The following COL2A1 variants were observed in gnomAD, a reference collection of about 807,000 sequenced individuals.
COL2A1 encodes the protein collagen type II alpha 1 chain.
COL2A1 carries 28 observed loss-of-function variants against 204.5 expected under a neutral mutation model. That is an observed-to-expected ratio of 0.14 (90% CI 0.10 to 0.19). COL2A1 has a LOEUF of 0.19. Ranked by LOEUF, COL2A1 falls within the 10% of genes least tolerant of loss-of-function variation. COL2A1 has a pLI of 1.00. For synonymous variants in COL2A1, 708 were observed against 718.7 expected, an observed-to-expected ratio of 0.99 and a Z score of 0.24; for missense variants, 1,388 against 2,027.5, an observed-to-expected ratio of 0.68 and a Z score of 6.06.
At position 47,989,800 on chromosome 12, in the gene COL2A1, G is replaced by A. The variant is rs376545187; in HGVS notation, c.1029C>T (p.Ala343=). The A allele has an allele frequency of 3.7e-6, 6 of 1,613,164 alleles. No homozygotes were observed. In the African/African-American group the frequency reaches 8.0e-5, roughly 22 times the overall value. ...GGCCTGGCTGACCATCGTTGCCTCGGGCACCCTGTGAGCAAGAAGGAAGTG... is the reference window on the plus strand; with the variant it reads ...GGCCTGGCTGACCATCGTTGCCTCGAGCACCCTGTGAGCAAGAAGGAAGTG... ...GRTGPAGAAG[A]RGNDGQPGPA... is the part of the protein sequence containing the mutation. Residue 343 remains alanine, a synonymous_variant, in exon 17 of 54, where the codon GCC becomes GCT. Transcript: ENST00000380518.
chr12:47,981,824 C>A lies in COL2A1; in HGVS notation c.2361G>T (p.Leu787=). The A allele has an allele frequency of 6.4e-7, 1 of 1,554,330 alleles. No homozygotes were observed. The highest frequency in any genetic ancestry group is 1.2e-5 in the South Asian group (1 of 84,358). Residue 787 remains leucine, a synonymous_variant, in exon 36 of 54, where the codon CTG becomes CTT. Transcript: ENST00000380518. ...GAPGKDGGRG[L]TGPIGPPGPA... is the part of the protein sequence containing the mutation. ...GGCCAGGGGGGCCAATGGGACCTGTCAGGCCCTGCGGGGAGAGCAGGTAGA... is the reference window on the plus strand; with the variant it reads ...GGCCAGGGGGGCCAATGGGACCTGTAAGGCCCTGCGGGGAGAGCAGGTAGA...
chr12:47,981,910 T>C, intron 35 of COL2A1, 81 bp from the exon 36 acceptor site: 1 of 1,447,430 alleles, frequency 6.9e-7, no homozygotes, highest in Non-Finnish European at 9.6e-7. Flanking sequence ...CCAACCTTGG[T>C]GCGTGCTCCC....
rs1308856433 is a variant in COL2A1, at chr12:47,973,564, A to C, written c.4318-11T>G. The C allele has an allele frequency of 1.2e-6, 2 of 1,613,908 alleles. No individual in the cohort carries two copies. The highest frequency in any genetic ancestry group is 1.7e-6 in the Non-Finnish European group (2 of 1,179,990). On this transcript the variant is annotated splice_polypyrimidine_tract_variant and intron_variant, in intron 53 of 53. Transcript: ENST00000380518. ...CTTACCGGTATGTTTCTAGGGGAGA[A>C]AAAAGGAGGAGGCTCTGTTCAGTAG...
intron 16 of COL2A1, among the ~76,000 whole-genome samples, chr12:47,991,580 G>T (rs888754239): frequency 2.6e-5 from 4 of 152,158 alleles, no homozygotes; most frequent in African/African-American, 9.7e-5. Context: ...AGCAAAGAAG[G>T]GCTCAAAGGC....
chr12:47,984,634 T>G, intron 27 of COL2A1, 35 bp from the exon 28 acceptor site: 1 of 1,609,454 alleles, frequency 6.2e-7, no homozygotes. Flanking sequence ...ATGAGGCGGA[T>G]GGTTTGGGAG....
rs10875715 is a variant in COL2A1, at chr12:47,987,973, G to A, written c.1123-264C>T. Among the ~76,000 whole-genome samples, 19 of 152,026 alleles carry A rather than the reference G, an allele frequency of 1.2e-4. No homozygotes were observed. In the South Asian group the frequency reaches 1.5e-3, roughly 12 times the overall value. ...TACACAGTGAGCCTCCACATGCCAC[G>A]GCACAGCTACATACTACAGCAATGG... On this transcript the variant is annotated intron_variant, in intron 18 of 53. Coordinates refer to ENST00000380518, the MANE Select transcript of COL2A1 (RefSeq NM_001844.5). This position sits in a 1 kb window ranked among gnomAD's most constrained non-coding sequence, Gnocchi z 4.1.
At position 47,974,771 on chromosome 12, in the gene COL2A1, G is replaced by A. The variant is rs1938610461; in HGVS notation, c.3978C>T (p.Pro1326=). The A allele has an allele frequency of 6.2e-7, 1 of 1,614,204 alleles. No individual in the cohort carries two copies. Among genetic ancestry groups the A allele is most frequent in the Non-Finnish European group, 8.5e-7 (1 of 1,180,040 alleles). Residue 1326 remains proline (P), a synonymous_variant, in exon 52 of 54, where the codon CCC becomes CCT. Transcript: ENST00000380518. The part of the protein sequence containing the change: ...NMETGETCVY[P]NPANVPKKNW... ...TCTTCTTGGGAACGTTTGCTGGATT[G>A]GGGTAGACGCAAGTCTCGCCAGTCT...
chr12:47,987,026 G>C lies in COL2A1; in HGVS notation c.1365+52C>G. The C allele has an allele frequency of 6.3e-7, 1 of 1,588,090 alleles. No homozygotes were observed. Among genetic ancestry groups the C allele is most frequent in the African/African-American group, 1.3e-5 (1 of 74,532 alleles). The stretch of plus-strand genomic sequence containing the variant: ...AGAGCATGGGAAAGAGGGGTGATGG[G>C]GTTTGACTCCAGAGATGTCAGTGGA... On this transcript the variant is annotated intron_variant, in intron 21 of 53. Transcript: ENST00000380518. This position sits in a 1 kb window ranked among gnomAD's most constrained non-coding sequence, Gnocchi z 4.1.
chr12:47,976,215 G>T lies in COL2A1; in HGVS notation c.3490-145C>A. 1.3e-6 allele frequency: 1 copy of T among 744,494 alleles called. No individual in the cohort carries two copies. 46.1% of individuals were successfully genotyped at this position (744,494 alleles called of 1,614,324 possible). A position where few individuals can be genotyped will look rare whatever the true frequency, so the allele number is the denominator to read the frequency against. On this transcript the variant is annotated intron_variant, in intron 49 of 53. Transcript: ENST00000380518. The surrounding 1 kb of genome is among the most constrained non-coding windows in gnomAD (Gnocchi z 4.3). ...TGCTCAGTCATGGAACCCTAAGTTG[G>T]TCTCTATTTGGCCAAGAACCAGCAG...
Position 47,976,822 on chromosome 12 carries a change from G to T in COL2A1, c.3425C>A (p.Pro1142His), listed in dbSNP as rs1466253134. ...GGCAGTGACACTCACAGGAGGGCCG[G>T]GCAGACCCTGCAGACCAGTGAAGCC... The part of the protein sequence containing the change: ...HRGFTGLQGL[P>H]GPPGPSGDQG... Residue 1142 changes from proline (P) to histidine (H), a missense_variant, in exon 48 of 54, where the codon CCC becomes CAC. By Grantham distance (77) the Pro-to-His change is moderately conservative. Coordinates refer to ENST00000380518, the MANE Select transcript of COL2A1 (RefSeq NM_001844.5). This position sits in a 1 kb window ranked among gnomAD's most constrained non-coding sequence, Gnocchi z 4.3. The T allele has an allele frequency of 6.2e-6, 10 of 1,612,936 alleles. No homozygotes were observed. Among genetic ancestry groups the T allele is most frequent in the African/African-American group, 1.3e-5 (1 of 74,922 alleles).
At chr12:48,000,278 T>A (rs1184007299) in intron 1 of COL2A1, among the ~76,000 whole-genome samples, 153 bp from the exon 2 acceptor site, 38 of 152,184 alleles carry the variant, frequency 2.5e-4, no homozygotes. Context: ...AACTTAAAAA[T>A]TATTTTCCTA....
At chr12:47,997,790 G>A in intron 6 of COL2A1, 81 bp downstream of exon 6, 1 of 1,608,562 alleles carries the variant, frequency 6.2e-7, no homozygotes, top group Non-Finnish European at 8.5e-7. Flanking sequence ...TTTAAGAGGT[G>A]ACCAGGCCCT....
chr12:47,973,968 C>A, intron 53 of COL2A1, 121 bp downstream of exon 53: 1 of 1,438,236 alleles, frequency 7.0e-7, no homozygotes, highest in Non-Finnish European at 9.7e-7. Flanking sequence ...ACATGACCCT[C>A]AAACTCATGC....
At chr12:47,998,125 TA>T (rs1354696582) in intron 4 of COL2A1, 43 bp downstream of exon 4, 1 of 1,614,078 alleles carries the variant, frequency 6.2e-7, no homozygotes, top group Non-Finnish European at 8.5e-7. Context: ...ATGACCCATT[TA>T]GAGCAGCAGC....
chr12:47,995,142 G>A, intron 11 of COL2A1, 113 bp downstream of exon 11: 1 of 890,700 alleles, frequency 1.1e-6, no homozygotes, highest in East Asian at 2.4e-5. Context: ...GCCCAGTCTT[G>A]CTCCTCAAGA....
At chr12:48,001,199 T>A (rs1383941288) in intron 1 of COL2A1, 1 of 151,976 alleles carries the variant, frequency 6.6e-6, no homozygotes, top group Non-Finnish European at 1.5e-5. Context: ...CTCATCAAAA[T>A]CCCCAAGGCA....
chr12:47,978,513 C>T lies in COL2A1; in HGVS notation c.2895+84G>A. 1 of 1,591,398 alleles carries T rather than the reference C, an allele frequency of 6.3e-7. No individual in the cohort carries two copies. Among genetic ancestry groups the T allele is most frequent in the East Asian group, 2.3e-5 (1 of 43,890 alleles). On this transcript the variant is annotated intron_variant, in intron 42 of 53. Coordinates refer to ENST00000380518, the MANE Select transcript of COL2A1 (RefSeq NM_001844.5). The surrounding 1 kb of genome is among the most constrained non-coding windows in gnomAD (Gnocchi z 5.5). ...CTGGCATCCCCACGGCCCCTGCTCC[C>T]TCCTACCCCATGCTCTGTGAGCTCA...
chr12:47,985,872 C>T (rs190355285), intron 24 of COL2A1, 40 bp downstream of exon 24: 53 of 1,572,826 alleles, frequency 3.4e-5, no homozygotes, highest in Admixed American at 3.1e-4. Context: ...GTGACCTCAG[C>T]GATGCAGGGA....
rs1938648793 is a variant in COL2A1 at position 47,975,375 on chromosome 12, G to A, written c.3828C>T (p.Arg1276=). The A allele has an allele frequency of 6.2e-7, 1 of 1,614,088 alleles. No homozygotes were observed. Among genetic ancestry groups the A allele is most frequent in the African/African-American group, 1.3e-5 (1 of 74,932 alleles). Reference sequence around the variant, plus strand: ...CTCTGCAGGTGCGAGCAGGGTTCTTGCGGGAGCCCTCGGGGCTGCGGATGC... The same window carrying A: ...CTCTGCAGGTGCGAGCAGGGTTCTTACGGGAGCCCTCGGGGCTGCGGATGC... ...IESIRSPEGS[R]KNPARTCRDL... is the part of the protein sequence containing the mutation. Residue 1276 remains arginine, a synonymous_variant, in exon 51 of 54, where the codon CGC becomes CGT. Coordinates refer to ENST00000380518, the MANE Select transcript of COL2A1 (RefSeq NM_001844.5).
Sources: gnomAD v4.1 joint callset for allele counts (sites outside exome capture counted in the v4.1 genomes callset) on GRCh38, gnomAD v4.1.1 for gene constraint, Gnocchi (gnomAD v3.1) non-coding constraint, MANE v1.5 for transcripts, NCBI Gene and HGNC (gene_info 2026-07-23, HGNC 2026-07-21) for gene names.